DLGAP1: variants seen among roughly 807,000 people sequenced by gnomAD.
The protein encoded by DLGAP1 is disks large-associated protein 1.
In DLGAP1, 11 loss-of-function variants were observed where a neutral mutation model predicts 90.8. The observed-to-expected ratio is 0.12, with a 90% CI of 0.08 to 0.20. DLGAP1 has a LOEUF of 0.20. Among genes scored for constraint, DLGAP1 ranks in the 10% least tolerant of loss-of-function variants. The pLI, the probability that DLGAP1 is intolerant of heterozygous loss-of-function variation, is 1.00. For missense variants in DLGAP1, 1,050 were observed against 1,333.8 expected, an observed-to-expected ratio of 0.79 and a Z score of 3.31; for synonymous variants, 558 against 540.7, an observed-to-expected ratio of 1.03 and a Z score of -0.44.
rs536396063 is a variant in DLGAP1 at position 4,224,684 on chromosome 18, T to C, written c.-266-73397A>G. On this transcript the variant is annotated intron_variant, in intron 1 of 12. Transcript: ENST00000315677. ...GGGTGCCAGCTCAGCCACAGTGGAATAGAGCACCAGGTAGGTTCCAAAGGT... is the reference window on the plus strand; with the variant it reads ...GGGTGCCAGCTCAGCCACAGTGGAACAGAGCACCAGGTAGGTTCCAAAGGT... Among the ~76,000 whole-genome samples, 5 of 150,738 alleles carry C rather than the reference T, an allele frequency of 3.3e-5. No individual in the cohort carries two copies. In the East Asian group the frequency reaches 5.8e-4, roughly 18 times the overall value.
intron 8 of DLGAP1, among the ~76,000 whole-genome samples, chr18:3,573,251 C>T (rs530943343): frequency 1.3e-5 from 2 of 152,202 alleles, no homozygotes; most frequent in Admixed American, 1.3e-4. Flanking sequence ...CCTGTAATCC[C>T]AGCACTTTGG....
intron 1 of DLGAP1, among the ~76,000 whole-genome samples, chr18:4,432,729 G>A (rs994191776): frequency 1.3e-5 from 2 of 151,776 alleles, no homozygotes; most frequent in Non-Finnish European, 2.9e-5. Context: ...CTGTCTAACT[G>A]AATCTTTGCA....
At chr18:4,181,850 A>T (rs1271825460) in intron 1 of DLGAP1, among the ~76,000 whole-genome samples, 2 of 152,180 alleles carry the variant, frequency 1.3e-5, no homozygotes, top group Non-Finnish European at 2.9e-5. Flanking sequence ...CTTACTGAGA[A>T]AGTAATAGCA....
At chr18:3,592,197 G>T (rs2056284864) in intron 7 of DLGAP1, among the ~76,000 whole-genome samples, 1 of 152,218 alleles carries the variant, frequency 6.6e-6, no homozygotes, top group Non-Finnish European at 1.5e-5. Context: ...AATGATGAAT[G>T]TTCTGCCATC....
At chr18:4,028,816 C>T (rs1003672694) in intron 2 of DLGAP1, among the ~76,000 whole-genome samples, 1 of 152,180 alleles carries the variant, frequency 6.6e-6, no homozygotes, top group African/African-American at 2.4e-5. Context: ...AAATGCATCA[C>T]ATTATTTCCC....
intron 3 of DLGAP1, among the ~76,000 whole-genome samples, chr18:3,929,509 A>G (rs774981980): frequency 1.1e-4 from 17 of 152,214 alleles, no homozygotes; most frequent in Non-Finnish European, 2.1e-4. Context: ...AATACTTGGA[A>G]GTGCTCTTCT....
At chr18:3,721,501 T>A (rs2061981617) in intron 7 of DLGAP1, 1 of 152,184 alleles carries the variant, frequency 6.6e-6, no homozygotes, top group Non-Finnish European at 1.5e-5. Context: ...AAAAATTTAA[T>A]TTCAGTCTAG....
At chr18:4,445,649 C>G (rs1440482313) in intron 1 of DLGAP1, among the ~76,000 whole-genome samples, 1 of 152,174 alleles carries the variant, frequency 6.6e-6, no homozygotes, top group South Asian at 2.1e-4. Context: ...AAAAGTCACT[C>G]TACTAGCTAC....
chr18:4,159,049 G>T (rs1415236747), intron 1 of DLGAP1, among the ~76,000 whole-genome samples: 1 of 152,090 alleles, frequency 6.6e-6, no homozygotes, highest in Non-Finnish European at 1.5e-5. Context: ...TGCTAAGAAG[G>T]CCCTTCTACC....
At chr18:4,134,215 C>G (rs908537803) in intron 2 of DLGAP1, among the ~76,000 whole-genome samples, 11 of 152,046 alleles carry the variant, frequency 7.2e-5, no homozygotes, top group Admixed American at 1.3e-4. Flanking sequence ...CCCGTGTTCT[C>G]CTGTCTCTCT....
At chr18:4,408,978 CAA>C (rs111802706) in intron 1 of DLGAP1, among the ~76,000 whole-genome samples, 10,549 of 25,282 alleles carry the variant, frequency 0.42, 382 homozygotes, top group African/African-American at 0.44. Flanking sequence ...CACACACACA[CAA>C]ACACACACAC....
At chr18:3,658,838 T>C (rs3862168) in intron 7 of DLGAP1, among the ~76,000 whole-genome samples, 24,316 of 152,164 alleles carry the variant, frequency 0.16, 4,494 homozygotes, top group African/African-American at 0.45. Flanking sequence ...GACAACAATG[T>C]GCTCTGATCA....
chr18:3,990,628 T>TGTA (rs370728747), intron 3 of DLGAP1, among the ~76,000 whole-genome samples: 21 of 143,248 alleles, frequency 1.5e-4, no homozygotes, highest in African/African-American at 5.1e-4. Context: ...AAACTTAAAA[T>TGTA]ATAATAATAA....
chr18:3,702,366 C>G (rs2061310174), intron 7 of DLGAP1, among the ~76,000 whole-genome samples: 2 of 152,202 alleles, frequency 1.3e-5, no homozygotes, highest in African/African-American at 4.8e-5. Flanking sequence ...CTTCATGGTG[C>G]TCAATTGGAT....
At chr18:4,305,153 C>T (rs2143336266) in intron 1 of DLGAP1, among the ~76,000 whole-genome samples, 1 of 152,168 alleles carries the variant, frequency 6.6e-6, no homozygotes. Flanking sequence ...TTCAAAACTC[C>T]TATCTGGGTG....
intron 1 of DLGAP1, among the ~76,000 whole-genome samples, chr18:4,428,311 T>C (rs1215641300): frequency 3.3e-5 from 5 of 152,172 alleles, no homozygotes; most frequent in African/African-American, 1.2e-4. Flanking sequence ...CCAGGTATGG[T>C]GGCTCACGCC....
intron 3 of DLGAP1, among the ~76,000 whole-genome samples, chr18:3,956,444 G>T (rs910760373): frequency 6.6e-6 from 1 of 151,922 alleles, no homozygotes; most frequent in South Asian, 2.1e-4. Context: ...CGCCTCCCGG[G>T]TTCACGCCAT....
At chr18:3,543,163 CCAATTT>C (rs1448867919) in intron 9 of DLGAP1, among the ~76,000 whole-genome samples, 1 of 87,546 alleles carries the variant, frequency 1.1e-5, no homozygotes. Context: ...TCCCATGACT[CCAATTT>C]TTTTTTTTTT....
intron 3 of DLGAP1, among the ~76,000 whole-genome samples, chr18:3,961,061 T>C (rs1052022032): frequency 1.3e-5 from 2 of 152,106 alleles, no homozygotes; most frequent in Admixed American, 6.5e-5. Flanking sequence ...CCTGGGGGCA[T>C]CACCCAGAAC....
Sources: allele counts gnomAD v4.1 joint callset (sites outside exome capture counted in the v4.1 genomes callset), GRCh38; gene constraint gnomAD v4.1.1; transcripts MANE v1.5; gene names NCBI Gene and HGNC (gene_info 2026-07-23, HGNC 2026-07-21).